Variants in CTNNA2 observed in about 807,000 individuals in gnomAD.
CTNNA2 encodes the protein catenin alpha-2.
Under a neutral mutation model 101.0 loss-of-function variants are expected in CTNNA2, and 42 were observed. The ratio of observed to expected loss-of-function variants is 0.42; its 90% CI spans 0.32 to 0.54. The LOEUF (loss-of-function observed/expected upper bound fraction) is 0.54. Ranked by LOEUF, CTNNA2 falls within the 20% of genes least tolerant of loss-of-function variation. CTNNA2 has a pLI of 0.14. For synonymous variants in CTNNA2, 450 were observed against 456.4 expected (o/e 0.99, Z 0.18); for missense variants, 871 against 1,223.1 (o/e 0.71, Z 4.29).
intron 7 of CTNNA2, among the ~76,000 whole-genome samples, chr2:80,088,788 T>A (rs1699600488): frequency 6.6e-6 from 1 of 152,062 alleles, no homozygotes; most frequent in Non-Finnish European, 1.5e-5. Flanking sequence ...GGACACTTTA[T>A]CTTTAGAAGA....
chr2:80,056,229 TCTC>T (rs1353219658), intron 7 of CTNNA2, among the ~76,000 whole-genome samples: 3 of 152,198 alleles, frequency 2.0e-5, no homozygotes, highest in Admixed American at 2.0e-4. Flanking sequence ...AGGCATGCCT[TCTC>T]CTTCTAAGGA....
chr2:79,583,106 G>A (rs1167288592), intron 1 of CTNNA2, among the ~76,000 whole-genome samples: 1 of 151,856 alleles, frequency 6.6e-6, no homozygotes, highest in Non-Finnish European at 1.5e-5. Context: ...CCACATGGTT[G>A]TTGCCACAGT....
At chr2:80,043,627 C>T (rs1050005654) in intron 7 of CTNNA2, among the ~76,000 whole-genome samples, 2 of 152,140 alleles carry the variant, frequency 1.3e-5, no homozygotes, top group Admixed American at 6.6e-5. Flanking sequence ...CTTCACAATA[C>T]CCTTAGAAGG....
intron 6 of CTNNA2, among the ~76,000 whole-genome samples, chr2:79,894,038 CTT>C (rs1558619492): frequency 0.043 from 6,383 of 146,900 alleles, 219 homozygotes; most frequent in Non-Finnish European, 0.063. Context: ...TCTTCTTCTT[CTT>C]CTTCTTCTTC....
chr2:79,474,654 T>C (rs1351127243), intron 4 of CTNNA2, among the ~76,000 whole-genome samples: 1 of 152,208 alleles, frequency 6.6e-6, no homozygotes, highest in Admixed American at 6.5e-5. Context: ...TAATTTATAT[T>C]AATGAACTGT....
intron 9 of CTNNA2, among the ~76,000 whole-genome samples, chr2:80,483,945 A>G (rs1215196079): frequency 6.6e-6 from 1 of 152,180 alleles, no homozygotes; most frequent in Non-Finnish European, 1.5e-5. Context: ...AAGGCAATAA[A>G]TGAACTTCAT....
At chr2:79,764,210 A>C (rs1672985522) in intron 3 of CTNNA2, among the ~76,000 whole-genome samples, 1 of 152,200 alleles carries the variant, frequency 6.6e-6, no homozygotes, top group African/African-American at 2.4e-5. Flanking sequence ...TTTTGCTAGC[A>C]ATATTTATGA....
chr2:79,270,711 AC>A (rs1349938298), intron 2 of CTNNA2, among the ~76,000 whole-genome samples: 3 of 152,104 alleles, frequency 2.0e-5, no homozygotes, highest in Non-Finnish European at 2.9e-5. Context: ...GAAAAAATGC[AC>A]TTGAGGTCAT....
At chr2:80,431,744 TA>T (rs1253851269) in intron 9 of CTNNA2, among the ~76,000 whole-genome samples, 1 of 152,184 alleles carries the variant, frequency 6.6e-6, no homozygotes, top group African/African-American at 2.4e-5. Context: ...CAGGTTTGAA[TA>T]ACTCTTAATC....
At chr2:80,596,262 T>A (rs1175086888) in intron 15 of CTNNA2, among the ~76,000 whole-genome samples, 1 of 145,318 alleles carries the variant, frequency 6.9e-6, no homozygotes, top group African/African-American at 2.5e-5. Context: ...GGAGTTTTTT[T>A]GGGCTGAGAC....
chr2:80,205,954 G>A (rs964333805), intron 7 of CTNNA2, among the ~76,000 whole-genome samples: 1 of 152,112 alleles, frequency 6.6e-6, no homozygotes, highest in Non-Finnish European at 1.5e-5. Context: ...TATTTATAAA[G>A]CACTTTATAT....
intron 4 of CTNNA2, among the ~76,000 whole-genome samples, chr2:79,433,086 CA>C (rs1233166159): frequency 6.6e-6 from 1 of 152,196 alleles, no homozygotes; most frequent in Non-Finnish European, 1.5e-5. Context: ...AGCCAGCTTT[CA>C]GGAGATTGTT....
chr2:79,820,770 C>CT (rs1459031236), intron 3 of CTNNA2, among the ~76,000 whole-genome samples: 5 of 152,160 alleles, frequency 3.3e-5, no homozygotes, highest in African/African-American at 9.7e-5. Context: ...ATGACTTATG[C>CT]TTGGAAATAT....
At chr2:80,115,664 C>A (rs886480394) in intron 7 of CTNNA2, among the ~76,000 whole-genome samples, 4 of 152,106 alleles carry the variant, frequency 2.6e-5, no homozygotes, top group African/African-American at 9.7e-5. Context: ...AGAGGGAGGG[C>A]ATACATATAG....
chr2:80,276,683 AGAGGAG>A (rs891565514), intron 7 of CTNNA2, among the ~76,000 whole-genome samples: 1 of 151,790 alleles, frequency 6.6e-6, no homozygotes, highest in Non-Finnish European at 1.5e-5. Context: ...AAGAAGAAGA[AGAGGAG>A]GAGGAGGAGG....
At chr2:79,751,593 C>CAAAAAAAAAAAAA (rs397985098) in intron 3 of CTNNA2, among the ~76,000 whole-genome samples, 4 of 68,938 alleles carry the variant, frequency 5.8e-5, no homozygotes, top group African/African-American at 1.5e-4. Flanking sequence ...GACTCCATCT[C>CAAAAAAAAAAAAA]AAAAAAAAAA....
At chr2:80,477,305 T>C (rs1559141653) in intron 9 of CTNNA2, among the ~76,000 whole-genome samples, 3 of 152,224 alleles carry the variant, frequency 2.0e-5, no homozygotes, top group Non-Finnish European at 4.4e-5. Flanking sequence ...ACTAACTGAT[T>C]GCTTTCTAGT....
At chr2:79,915,959 T>C (rs1462069579) in intron 7 of CTNNA2, among the ~76,000 whole-genome samples, 1 of 152,212 alleles carries the variant, frequency 6.6e-6, no homozygotes, top group African/African-American at 2.4e-5. Flanking sequence ...GGAATTGCTA[T>C]ACTGCCACAT....
At chr2:80,004,010 G>A (rs1404249423) in intron 7 of CTNNA2, among the ~76,000 whole-genome samples, 1 of 152,154 alleles carries the variant, frequency 6.6e-6, no homozygotes, top group Non-Finnish European at 1.5e-5. Flanking sequence ...AATTTCTATA[G>A]TGTAAACTGA....
Sources: gnomAD v4.1 joint callset for allele counts (sites outside exome capture counted in the v4.1 genomes callset) on GRCh38, gnomAD v4.1.1 for gene constraint, MANE v1.5 for transcripts, NCBI Gene and HGNC (gene_info 2026-07-23, HGNC 2026-07-21) for gene names.